GLI4: variants seen among roughly 807,000 people sequenced by gnomAD.
The protein encoded by GLI4 is GLI family zinc finger 4.
GLI4 carries 34 observed loss-of-function variants against 30.9 expected under a neutral mutation model. The ratio of observed to expected loss-of-function variants is 1.10; its 90% CI spans 0.84 to 1.47. The LOEUF is 1.47. GLI4 is among the 40% of genes most tolerant of loss of function. GLI4 has a pLI of 0.00. For missense variants in GLI4, 696 were observed against 538.9 expected (o/e 1.29, Z -2.89); for synonymous variants, 277 against 236.7 (o/e 1.17, Z -1.56).
At chr8:143,268,839 T>TGCC (rs1212526812) in intron 1 of GLI4, among the ~76,000 whole-genome samples, 8 of 125,606 alleles carry the variant, frequency 6.4e-5, no homozygotes, top group Non-Finnish European at 1.2e-4. Flanking sequence ...GTTACTCCTT[T>TGCC]GCTGCTGCTG....
In GLI4 at chr8:143,276,388, T is replaced by C; in HGVS notation, c.715T>C (p.Tyr239His). 1.9e-6 allele frequency: 3 copies of C among 1,612,550 alleles called. No homozygotes were observed. The highest frequency in any genetic ancestry group is 3.3e-4 in the Middle Eastern group (2 of 6,062). Residue 239 changes from tyrosine to histidine, a missense_variant, in exon 4 of 4, where the codon TAC (tyrosine) becomes CAC (histidine). Tyr to His is a moderately conservative substitution (Grantham distance 83). Transcript: ENST00000340042. ...HHRIHTGEKPYECGQCGRAFS... is the reference protein window; with the variant it reads ...HHRIHTGEKPHECGQCGRAFS... ...CCGCATCCACACGGGCGAGAAGCCC[T>C]ACGAGTGCGGCCAGTGCGGCCGCGC...
chr8:143,276,340 T>G lies in GLI4; in HGVS notation c.667T>G (p.Trp223Gly). The G allele has an allele frequency of 6.3e-7, 1 of 1,585,362 alleles. No individual in the cohort carries two copies. The highest frequency in any genetic ancestry group is 8.5e-7 in the Non-Finnish European group (1 of 1,169,752). The change falls in exon 4 of 4, where the codon TGG (tryptophan) becomes GGG (glycine). Residue 223 changes from tryptophan to glycine, a missense_variant. Coordinates refer to ENST00000340042, the MANE Select transcript of GLI4 (RefSeq NM_138465.4). Reference protein sequence around the residue: ...CHECGKRFRGWSGFIQHHRIH... With the variant: ...CHECGKRFRGGSGFIQHHRIH... ...CGAGTGCGGCAAGCGCTTCCGCGGCTGGTCGGGCTTCATCCAGCACCACCG... is the reference window on the plus strand; with the variant it reads ...CGAGTGCGGCAAGCGCTTCCGCGGCGGGTCGGGCTTCATCCAGCACCACCG...
At chr8:143,270,446 G>A (rs1254820972) in intron 2 of GLI4, among the ~76,000 whole-genome samples, 3 of 152,202 alleles carry the variant, frequency 2.0e-5, no homozygotes, top group African/African-American at 4.8e-5. Flanking sequence ...TCTCCGCTGC[G>A]GTGTCCCGAG....
chr8:143,269,322 C>T, intron 1 of GLI4, 38 bp from the exon 2 acceptor site: 1 of 1,526,306 alleles, frequency 6.6e-7, no homozygotes, highest in Non-Finnish European at 9.0e-7. Flanking sequence ...GACATTCCTC[C>T]CAATCCCCTC....
At position 143,274,919 on chromosome 8, in the gene GLI4, TTTC is replaced by T. The variant is rs1815351524; in HGVS notation, c.223+121_223+123del. On this transcript the variant is annotated intron_variant, in intron 3 of 3. Coordinates refer to ENST00000340042, the MANE Select transcript of GLI4 (RefSeq NM_138465.4). ...GCACCACCCCCTTCCTGGGGCCCCT[TTTC>T]TTCCCTGGCATCAGCTCACCTCTGC... The T allele has an allele frequency of 2.0e-6, 3 of 1,478,190 alleles. No homozygotes were observed. The East Asian group carries it at 7.5e-5, about 37-fold the overall frequency. The allele number at this position is 1,478,190 out of a possible 1,614,324, so 91.6% of individuals were successfully genotyped here.
chr8:143,273,117 C>G (rs1360276118), intron 2 of GLI4: 1 of 152,354 alleles, frequency 6.6e-6, no homozygotes, highest in Non-Finnish European at 1.5e-5. Flanking sequence ...CCAGTGGTGT[C>G]CCAGCGCAGG....
chr8:143,275,800 C>T, intron 3 of GLI4, 97 bp from the exon 4 acceptor site: 1 of 1,245,230 alleles, frequency 8.0e-7, no homozygotes, highest in Non-Finnish European at 1.0e-6. Context: ...CCCTCTAAGC[C>T]CCCCCGTCCA....
rs762404452 is a variant in GLI4 at position 143,276,191 on chromosome 8, G to A, written c.518G>A (p.Arg173Gln). ...CTGGGAGTCAACTTCGGTCGGAGCC[G>A]GCAGGGCAGCGCGCGGGGGGCCAAG... ...AELGVNFGRS[R>Q]QGSARGAKPH... is the part of the protein sequence containing the mutation. Residue 173 changes from arginine (R) to glutamine (Q), a missense_variant, in exon 4 of 4, where the codon CGG becomes CAG. By Grantham distance (43) the Arg-to-Gln change is conservative. Transcript: ENST00000340042. The A allele has an allele frequency of 3.2e-6, 5 of 1,565,306 alleles. No individual in the cohort carries two copies. The highest frequency in any genetic ancestry group is 4.3e-6 in the Non-Finnish European group (5 of 1,155,842).
intron 3 of GLI4, 56 bp from the exon 4 acceptor site, chr8:143,275,841 C>T (rs1181116157): frequency 8.0e-7 from 1 of 1,255,694 alleles, no homozygotes; most frequent in East Asian, 3.1e-5. Flanking sequence ...CCCCGTCCCT[C>T]CGTGCCACGG....
intron 1 of GLI4, among the ~76,000 whole-genome samples, chr8:143,269,158 C>G (rs974777692): frequency 6.6e-6 from 1 of 152,118 alleles, no homozygotes; most frequent in African/African-American, 2.4e-5. Context: ...AGCGTTATTC[C>G]TTACTGAATA....
rs75144785 is a variant in GLI4 at position 143,274,567 on chromosome 8, C to T, written c.125-137C>T. ...TTCGTGGCTAGAGAAGCCCAAGCAG[C>T]GGGCCTGCTGTTGGGATTGGGAGGG... On this transcript the variant is annotated intron_variant, in intron 2 of 3. Transcript: ENST00000340042. 2,141 of 757,550 alleles carry T rather than the reference C, an allele frequency of 2.8e-3. 41 individuals carry two copies. The African/African-American group carries it at 0.033, about 12-fold the overall frequency. The allele number at this position is 757,550 out of a possible 1,614,324, so 46.9% of individuals were successfully genotyped here.
chr8:143,276,813 G>A lies in GLI4; in HGVS notation c.*9G>A, dbSNP rs73378238. The A allele has an allele frequency of 6.4e-3, 9,570 of 1,506,626 alleles. 517 individuals carry two copies. In the African/African-American group the frequency reaches 0.12, roughly 18 times the overall value. 93.3% of individuals were successfully genotyped at this position (1,506,626 alleles called of 1,614,324 possible). On this transcript the variant is annotated 3_prime_UTR_variant, in exon 4 of 4. Coordinates refer to ENST00000340042, the MANE Select transcript of GLI4 (RefSeq NM_138465.4). ...TGCACTACCGCGAGTAGCCGGGCGG[G>A]GGCTCGGGGCTCGGCCTCCTACCTG...
At position 143,276,405 on chromosome 8, in the gene GLI4, C is replaced by T. The variant is rs776905207; in HGVS notation, c.732C>T (p.Cys244=). 2.5e-6 allele frequency: 4 copies of T among 1,612,602 alleles called. No individual in the cohort carries two copies. The highest frequency in any genetic ancestry group is 2.2e-5 in the East Asian group (1 of 44,872). ...TGEKPYECGQ[C]GRAFSHSSHF... ...AGAAGCCCTACGAGTGCGGCCAGTG[C>T]GGCCGCGCCTTCAGCCACAGCTCGC... Residue 244 remains cysteine, a synonymous_variant, in exon 4 of 4, where the codon TGC becomes TGT. Transcript: ENST00000340042.
At position 143,269,408 on chromosome 8, in the gene GLI4, A is replaced by C. The variant is rs774195489; in HGVS notation, c.12A>C (p.Leu4=). 6.2e-7 allele frequency: 1 copy of C among 1,611,846 alleles called. No homozygotes were observed. The highest frequency in any genetic ancestry group is 8.5e-7 in the Non-Finnish European group (1 of 1,178,548). Residue 4 remains leucine, a synonymous_variant, in exon 2 of 4, where the codon CTA becomes CTC. Transcript: ENST00000340042. MAA[L]GDIQESPSVP... is the part of the protein sequence containing the mutation. ...AGGTCTCAGGGAAGATGGCAGCCCT[A>C]GGGGACATTCAGGAGTCCCCTTCTG...
chr8:143,267,724 A>C, intron 1 of GLI4: 1 of 985,298 alleles, frequency 1.0e-6, no homozygotes, highest in Non-Finnish European at 1.2e-6. Flanking sequence ...GTCCGTTCGC[A>C]GGGCGCCTTT....
chr8:143,276,349 T>A lies in GLI4; in HGVS notation c.676T>A (p.Phe226Ile). ...CGKRFRGWSG[F>I]IQHHRIHTGE... ...CAAGCGCTTCCGCGGCTGGTCGGGC[T>A]TCATCCAGCACCACCGCATCCACAC... The change falls in exon 4 of 4, where the codon TTC (phenylalanine) becomes ATC (isoleucine). Residue 226 changes from phenylalanine (F) to isoleucine (I), a missense_variant. By Grantham distance (21) the Phe-to-Ile change is conservative. Transcript: ENST00000340042. 6.2e-7 allele frequency: 1 copy of A among 1,604,804 alleles called. No individual in the cohort carries two copies. Among genetic ancestry groups the A allele is most frequent in the Non-Finnish European group, 8.5e-7 (1 of 1,177,322 alleles).
At chr8:143,267,522 C>G in intron 1 of GLI4, 38 bp downstream of exon 1, 4 of 986,402 alleles carry the variant, frequency 4.1e-6, no homozygotes, top group Non-Finnish European at 4.8e-6. Flanking sequence ...CTCCGGGTGC[C>G]TGGGACCAGC....
intron 1 of GLI4, 36 bp downstream of exon 1, chr8:143,267,520 G>T (rs1232067742): frequency 6.9e-5 from 68 of 986,414 alleles, no homozygotes; most frequent in Admixed American, 1.2e-4. Context: ...GGCTCCGGGT[G>T]CCTGGGACCA....
chr8:143,274,668 A>AGGT (rs1170828343), intron 2 of GLI4, 36 bp from the exon 3 acceptor site: 2 of 1,523,290 alleles, frequency 1.3e-6, no homozygotes, highest in African/African-American at 2.8e-5. Context: ...AGTGGTCCAG[A>AGGT]GGGTGGAGGT....
Sources: allele counts gnomAD v4.1 joint callset (sites outside exome capture counted in the v4.1 genomes callset), GRCh38; gene constraint gnomAD v4.1.1; transcripts MANE v1.5; gene names NCBI Gene and HGNC (gene_info 2026-07-23, HGNC 2026-07-21).